Variants in ATP8A2 observed in about 807,000 individuals in gnomAD.
ATP8A2 encodes ATPase phospholipid transporting 8A2.
ATP8A2 carries 100 observed loss-of-function variants against 165.6 expected under a neutral mutation model. The ratio of observed to expected loss-of-function variants is 0.60; its 90% confidence interval spans 0.51 to 0.71. The LOEUF is 0.71. Among genes scored for constraint, ATP8A2 ranks in the 30% least tolerant of loss-of-function variants. The pLI is 0.00. For missense variants in ATP8A2, 1,227 were observed against 1,479.5 expected (o/e 0.83, Z 2.80); for synonymous variants, 543 against 548.8 (o/e 0.99, Z 0.15).
intron 1 of ATP8A2, among the ~76,000 whole-genome samples, chr13:25,421,251 G>A (rs2034290729): frequency 6.6e-6 from 1 of 152,160 alleles, no homozygotes; most frequent in South Asian, 2.1e-4. Flanking sequence ...TCCTTCCAGA[G>A]CTCCATTCTT....
intron 23 of ATP8A2, 72 bp downstream of exon 23, chr13:25,582,029 C>A: frequency 1.5e-6 from 2 of 1,371,834 alleles, no homozygotes; most frequent in South Asian, 1.3e-5. Flanking sequence ...TTAAATGTGT[C>A]TAAATGTTTC....
intron 2 of ATP8A2, among the ~76,000 whole-genome samples, chr13:25,511,695 T>A (rs1005116670): frequency 6.6e-6 from 1 of 152,214 alleles, no homozygotes; most frequent in African/African-American, 2.4e-5. Flanking sequence ...AGGCTCTTTT[T>A]AATATCTTTA....
intron 24 of ATP8A2, among the ~76,000 whole-genome samples, chr13:25,634,757 C>A (rs1005041064): frequency 6.6e-6 from 1 of 152,034 alleles, no homozygotes; most frequent in Non-Finnish European, 1.5e-5. Context: ...CTTTCACTTG[C>A]CTTCTCTAAA....
intron 25 of ATP8A2, among the ~76,000 whole-genome samples, chr13:25,708,522 G>A (rs2043097681): frequency 6.6e-6 from 1 of 152,006 alleles, no homozygotes; most frequent in Admixed American, 6.6e-5. Context: ...TCCCTCATCT[G>A]TCACCTCCTG....
rs546165480 is a variant in ATP8A2, at chr13:25,790,753, A to T, written c.2679+15794A>T. On this transcript the variant is annotated intron_variant, in intron 27 of 36. Transcript: ENST00000381655. The stretch of plus-strand genomic sequence containing the variant: ...AGACACTTTTCAAAAGAAGACATAC[A>T]CAGTGGCCAACAAGCATACAAAATA... 5.9e-5 allele frequency among the ~76,000 whole-genome samples: 9 copies of T among 152,222 alleles called. No homozygotes were observed. In the East Asian group the frequency reaches 1.5e-3, roughly 26 times the overall value.
At chr13:25,670,013 T>G (rs2042232857) in intron 24 of ATP8A2, among the ~76,000 whole-genome samples, 2 of 152,196 alleles carry the variant, frequency 1.3e-5, no homozygotes, top group African/African-American at 4.8e-5. Flanking sequence ...CCTATGGTGC[T>G]GGGGTTAGAG....
At chr13:25,630,202 T>G (rs914185670) in intron 24 of ATP8A2, among the ~76,000 whole-genome samples, 6 of 152,286 alleles carry the variant, frequency 3.9e-5, no homozygotes, top group African/African-American at 1.4e-4. Context: ...CAAAGCTAGG[T>G]GGTACAGGGA....
intron 24 of ATP8A2, among the ~76,000 whole-genome samples, chr13:25,617,976 C>T (rs2040869528): frequency 6.6e-6 from 1 of 152,104 alleles, no homozygotes; most frequent in Non-Finnish European, 1.5e-5. Context: ...GAATTCGTGG[C>T]TAGTTACCCG....
At chr13:25,835,559 G>A (rs968464824) in intron 28 of ATP8A2, among the ~76,000 whole-genome samples, 1 of 152,060 alleles carries the variant, frequency 6.6e-6, no homozygotes, top group Admixed American at 6.6e-5. Context: ...GTTTGTGGGT[G>A]GGGATTTGAG....
rs768173272 is a variant in ATP8A2 at position 25,774,841 on chromosome 13, T to C, written c.2569-8T>C. 13 of 1,573,378 alleles carry C rather than the reference T, an allele frequency of 8.3e-6. No individual in the cohort carries two copies. Among genetic ancestry groups the C allele is most frequent in the South Asian group, 2.2e-5 (2 of 89,652 alleles). ...GCTCTTCTGAGCTTTGTAATTTTCCTTTTTCAGTTTTCCTACTTAGAGAAG... is the reference window on the plus strand; with the variant it reads ...GCTCTTCTGAGCTTTGTAATTTTCCCTTTTCAGTTTTCCTACTTAGAGAAG... On this transcript the variant is annotated splice_polypyrimidine_tract_variant and splice_region_variant and intron_variant, in intron 26 of 36. Transcript: ENST00000381655.
At chr13:25,385,661 G>C (rs1362640281) in intron 1 of ATP8A2, among the ~76,000 whole-genome samples, 1 of 152,058 alleles carries the variant, frequency 6.6e-6, no homozygotes, top group Non-Finnish European at 1.5e-5. Context: ...CAATGCCTTT[G>C]GACAGTTTAA....
At chr13:25,692,415 G>T (rs1055863160) in intron 24 of ATP8A2, among the ~76,000 whole-genome samples, 1 of 152,190 alleles carries the variant, frequency 6.6e-6, no homozygotes, top group African/African-American at 2.4e-5. Context: ...TGGCCCTGCC[G>T]AGCTGACGGA....
chr13:25,490,733 T>TTG (rs1566179817), intron 2 of ATP8A2, among the ~76,000 whole-genome samples: 7 of 136,020 alleles, frequency 5.1e-5, no homozygotes, highest in African/African-American at 1.7e-4. Context: ...TTTGTTTTTT[T>TTG]TTTGTTTGTT....
At chr13:25,897,667 TC>T (rs1953601261) in intron 33 of ATP8A2, among the ~76,000 whole-genome samples, 1 of 152,244 alleles carries the variant, frequency 6.6e-6, no homozygotes, top group South Asian at 2.1e-4. Flanking sequence ...CACTTTCAGG[TC>T]CACCAATTAG....
intron 1 of ATP8A2, among the ~76,000 whole-genome samples, chr13:25,462,169 C>T (rs764958419): frequency 3.3e-5 from 5 of 152,198 alleles, no homozygotes. Flanking sequence ...CCTTTTGGCT[C>T]TATCGTTCTA....
At chr13:25,577,182 C>T in intron 20 of ATP8A2, 44 bp downstream of exon 20, 1 of 1,477,502 alleles carries the variant, frequency 6.8e-7, no homozygotes, top group Non-Finnish European at 9.4e-7. Context: ...TTCTTGGCAG[C>T]TTTGTTAATC....
chr13:25,615,909 C>A (rs928380784), intron 24 of ATP8A2, among the ~76,000 whole-genome samples: 5 of 152,140 alleles, frequency 3.3e-5, no homozygotes, highest in African/African-American at 1.2e-4. Flanking sequence ...CTGAAGCTCG[C>A]AGCAGTAATC....
At chr13:25,643,310 G>A (rs1358828129) in intron 24 of ATP8A2, among the ~76,000 whole-genome samples, 1 of 152,070 alleles carries the variant, frequency 6.6e-6, no homozygotes, top group Non-Finnish European at 1.5e-5. Flanking sequence ...GCTGTGTATT[G>A]TTACATCATA....
At chr13:25,567,473 A>G in intron 16 of ATP8A2, 4 of 446,494 alleles carry the variant, frequency 9.0e-6, no homozygotes, top group Non-Finnish European at 1.8e-5. Flanking sequence ...TTTTTAGTTT[A>G]GTGGGAAAGC....
Sources: allele counts gnomAD v4.1 joint callset (sites outside exome capture counted in the v4.1 genomes callset), GRCh38; gene constraint gnomAD v4.1.1; transcripts MANE v1.5; gene names NCBI Gene and HGNC (gene_info 2026-07-23, HGNC 2026-07-21).